The following CNTN4 variants were observed in gnomAD, a reference collection of about 807,000 sequenced individuals.
The protein encoded by CNTN4 is contactin 4.
A neutral mutation model predicts 122.5 loss-of-function variants in CNTN4; 77 were observed. The ratio of observed to expected loss-of-function variants is 0.63; its 90% CI spans 0.52 to 0.76. The LOEUF (loss-of-function observed/expected upper bound fraction) is 0.76. Ranked by LOEUF, CNTN4 falls within the 30% of genes least tolerant of loss-of-function variation. The pLI is 0.00. For missense variants in CNTN4, 1,256 were observed against 1,259.1 expected (o/e 1.00, Z 0.04); for synonymous variants, 512 against 447.0 (o/e 1.15, Z -1.83).
At chr3:2,876,541 C>T (rs983245839) in intron 8 of CNTN4, among the ~76,000 whole-genome samples, 3 of 152,088 alleles carry the variant, frequency 2.0e-5, no homozygotes, top group Non-Finnish European at 4.4e-5. Context: ...TTAGTAAGCA[C>T]AGATGCCAGC....
chr3:2,311,913 G>T (rs937433988), intron 2 of CNTN4, among the ~76,000 whole-genome samples: 4 of 152,018 alleles, frequency 2.6e-5, no homozygotes, highest in Non-Finnish European at 5.9e-5. Flanking sequence ...ATATTTTCCT[G>T]AGTTATAGAG....
intron 4 of CNTN4, among the ~76,000 whole-genome samples, chr3:2,591,387 C>T (rs1282818411): frequency 1.3e-4 from 4 of 30,356 alleles, no homozygotes; most frequent in Admixed American, 1.2e-3. Flanking sequence ...TTTTTTGAGA[C>T]GGAGTCTCGC....
intron 4 of CNTN4, among the ~76,000 whole-genome samples, chr3:2,690,448 A>G (rs578124309): frequency 6.6e-6 from 1 of 152,190 alleles, no homozygotes; most frequent in Admixed American, 6.5e-5. Context: ...AGGTTATTTA[A>G]CTCTCTAACC....
intron 4 of CNTN4, among the ~76,000 whole-genome samples, chr3:2,682,992 T>C (rs1017471197): frequency 2.6e-5 from 4 of 152,130 alleles, no homozygotes; most frequent in African/African-American, 7.2e-5. Context: ...TACCAATCAC[T>C]GACCCCATCA....
At chr3:3,002,678 T>A (rs892956782) in intron 14 of CNTN4, among the ~76,000 whole-genome samples, 3 of 152,148 alleles carry the variant, frequency 2.0e-5, no homozygotes, top group African/African-American at 7.2e-5. Context: ...GAAGTCCCCT[T>A]CTAATTCTAA....
intron 3 of CNTN4, among the ~76,000 whole-genome samples, chr3:2,503,215 G>A (rs188200371): frequency 6.6e-5 from 10 of 152,196 alleles, no homozygotes; most frequent in African/African-American, 2.2e-4. Flanking sequence ...ATGGGTTCAG[G>A]ATGTTTAATC....
chr3:2,600,714 C>T (rs1010555512), intron 4 of CNTN4, among the ~76,000 whole-genome samples: 2 of 152,038 alleles, frequency 1.3e-5, no homozygotes, highest in Non-Finnish European at 2.9e-5. Context: ...GGGTATATAC[C>T]CAGTAATGGG....
chr3:2,966,977 T>C (rs1353960431), intron 13 of CNTN4, among the ~76,000 whole-genome samples: 3 of 152,196 alleles, frequency 2.0e-5, no homozygotes, highest in African/African-American at 7.2e-5. Flanking sequence ...GCCTGCTGCC[T>C]AGACAGAGCA....
chr3:3,053,926 C>T lies in CNTN4; in HGVS notation c.2931C>T (p.Asp977=), dbSNP rs375028506. 4.5e-5 allele frequency: 72 copies of T among 1,614,122 alleles called. No homozygotes were observed. Among genetic ancestry groups the T allele is most frequent in the East Asian group, 2.5e-4 (11 of 44,882 alleles). ...TAATAGAAATTAAGCCATTCAGCGACGGAGGAGATGGCAGCAGCAGTGAAC... is the reference window on the plus strand; with the variant it reads ...TAATAGAAATTAAGCCATTCAGCGATGGAGGAGATGGCAGCAGCAGTGAAC... ...DYIIEIKPFS[D]GGDGSSSEQI... is the part of the protein sequence containing the mutation. The change falls in exon 24 of 25, where the codon GAC becomes GAT. Residue 977 remains aspartate (D), a synonymous_variant. Coordinates refer to ENST00000418658, the MANE Select transcript of CNTN4 (RefSeq NM_175607.3).
chr3:2,619,597 T>C (rs1274077192), intron 4 of CNTN4, among the ~76,000 whole-genome samples: 1 of 152,192 alleles, frequency 6.6e-6, no homozygotes, highest in Non-Finnish European at 1.5e-5. Context: ...AGAAGAACTA[T>C]TTAGTTAAGT....
chr3:2,336,371 T>C (rs2043955446), intron 2 of CNTN4, among the ~76,000 whole-genome samples: 1 of 152,144 alleles, frequency 6.6e-6, no homozygotes, highest in Non-Finnish European at 1.5e-5. Flanking sequence ...TGGTCTATGA[T>C]AGTAAAGGAA....
chr3:2,988,502 T>G, intron 14 of CNTN4, 30 bp downstream of exon 14: 1 of 1,611,580 alleles, frequency 6.2e-7, no homozygotes, highest in Non-Finnish European at 8.5e-7. Flanking sequence ...ATTCGAATAT[T>G]TATATATGTG....
chr3:2,421,860 C>T (rs1318075488), intron 3 of CNTN4, among the ~76,000 whole-genome samples: 1 of 152,082 alleles, frequency 6.6e-6, no homozygotes, highest in African/African-American at 2.4e-5. Flanking sequence ...TAAGGAGAAA[C>T]TTTAGTCACA....
In CNTN4 at chr3:2,576,504, T is replaced by G. The variant is rs142749345; in HGVS notation, c.55+4946T>G. 1.6e-3 allele frequency among the ~76,000 whole-genome samples: 249 copies of G among 152,262 alleles called. 1 individual carries two copies. The highest frequency in any genetic ancestry group is 5.7e-3 in the African/African-American group (237 of 41,564). On this transcript the variant is annotated intron_variant, in intron 4 of 24. Coordinates refer to ENST00000418658, the MANE Select transcript of CNTN4 (RefSeq NM_175607.3). ...TGAAGTCTATATCTTGGTGCAACAC[T>G]GCCTCTCCCATTTCTTATTTTATTT...
intron 6 of CNTN4, among the ~76,000 whole-genome samples, chr3:2,773,553 T>C (rs2091192054): frequency 6.6e-6 from 1 of 152,002 alleles, no homozygotes; most frequent in Non-Finnish European, 1.5e-5. Flanking sequence ...CATGTAGGAT[T>C]CTAGAGGAAG....
intron 13 of CNTN4, among the ~76,000 whole-genome samples, chr3:2,977,270 C>G (rs995650640): frequency 1.6e-4 from 22 of 138,234 alleles, no homozygotes; most frequent in African/African-American, 5.9e-4. Flanking sequence ...GTAGATCCTC[C>G]TCTGTCTTAT....
At chr3:2,542,901 G>C (rs935133446) in intron 3 of CNTN4, among the ~76,000 whole-genome samples, 2 of 152,034 alleles carry the variant, frequency 1.3e-5, no homozygotes, top group Non-Finnish European at 2.9e-5. Flanking sequence ...TCATGCTTAC[G>C]TTGTATTCAT....
chr3:2,410,540 A>C (rs2047191894), intron 3 of CNTN4, among the ~76,000 whole-genome samples: 1 of 152,162 alleles, frequency 6.6e-6, no homozygotes, highest in South Asian at 2.1e-4. Flanking sequence ...TTTGAAGATA[A>C]CTTTTTTATT....
At position 2,841,193 on chromosome 3, in the gene CNTN4, G is replaced by A. The variant is rs1487419329; in HGVS notation, c.454+21612G>A. Among the ~76,000 whole-genome samples, 4 of 152,140 alleles carry A rather than the reference G, an allele frequency of 2.6e-5. No homozygotes were observed. Reference sequence around the variant, plus strand: ...CAAAATATCTGTCTTTGTTTGCATTGCCCAAAGAAGTTGGATCAAAAGAGT... The same window carrying A: ...CAAAATATCTGTCTTTGTTTGCATTACCCAAAGAAGTTGGATCAAAAGAGT... On this transcript the variant is annotated intron_variant, in intron 7 of 24. Coordinates refer to ENST00000418658, the MANE Select transcript of CNTN4 (RefSeq NM_175607.3). The surrounding 1 kb of genome is among the most constrained non-coding windows in gnomAD (Gnocchi z 4.8).
Sources: gnomAD v4.1 joint callset for allele counts (sites outside exome capture counted in the v4.1 genomes callset) on GRCh38, gnomAD v4.1.1 for gene constraint, Gnocchi (gnomAD v3.1) non-coding constraint, MANE v1.5 for transcripts, NCBI Gene and HGNC (gene_info 2026-07-23, HGNC 2026-07-21) for gene names.